Variants in STX16 observed in about 807,000 individuals in gnomAD.
The protein encoded by STX16 is syntaxin 16, also known as syntaxin-16.
In STX16, 28 loss-of-function variants were observed where a neutral mutation model predicts 42.7. The observed-to-expected ratio is 0.66, with a 90% CI of 0.49 to 0.90. STX16 has a LOEUF of 0.90. STX16 is among the 40% of genes least tolerant of loss of function. STX16 has a pLI of 0.00. For missense variants in STX16, 361 were observed against 420.9 expected, an observed-to-expected ratio of 0.86 and a Z score of 1.24; for synonymous variants, 156 against 155.2, an observed-to-expected ratio of 1.00 and a Z score of -0.04.
In STX16 at chr20:58,657,803, G is replaced by C. The variant is rs1030234964; in HGVS notation, c.133-1820G>C. Among the ~76,000 whole-genome samples, 22 of 152,266 alleles carry C rather than the reference G, an allele frequency of 1.4e-4. No homozygotes were observed. Among genetic ancestry groups the C allele is most frequent in the South Asian group, 4.1e-4 (2 of 4,824 alleles). On this transcript the variant is annotated intron_variant, in intron 1 of 8. Transcript: ENST00000371141. The surrounding 1 kb of genome is among the most constrained non-coding windows in gnomAD (Gnocchi z 4.2). ...TTTAAATAGCAGAATGGTGGGGAGG[G>C]TCTTTGAAAAGGTGACCTTAATTTA...
rs935009853 is a variant in STX16, at chr20:58,655,048, A to G, written c.132+2910A>G. Among the ~76,000 whole-genome samples the G allele has an allele frequency of 2.6e-5, 4 of 152,350 alleles. No individual in the cohort carries two copies. The South Asian group carries it at 6.2e-4, about 24-fold the overall frequency. On this transcript the variant is annotated intron_variant, in intron 1 of 8. Transcript: ENST00000371141. ...TAAATACATGTCTAACACTCAGGCA[A>G]TTTGAAAGGAAGAAATTAAACCTAA...
In STX16 at chr20:58,678,751, C is replaced by T. The variant is rs573845836; in HGVS notation, c.*2460C>T. The T allele has an allele frequency of 6.6e-6, 1 of 152,320 alleles. No individual in the cohort carries two copies. Among genetic ancestry groups the T allele is most frequent in the Non-Finnish European group, 1.5e-5 (1 of 68,070 alleles). 9.4% of individuals were successfully genotyped at this position (152,320 alleles called of 1,614,324 possible). ...TGCTGACTTCTTGGGGTCCTCAAAC[C>T]ACTGTATTTTTCTGTTGAGCCTGTA... On this transcript the variant is annotated 3_prime_UTR_variant, in exon 9 of 9. Transcript: ENST00000371141.
intron 2 of STX16, among the ~76,000 whole-genome samples, chr20:58,664,385 A>G (rs2083768149): frequency 6.6e-6 from 1 of 152,214 alleles, no homozygotes; most frequent in South Asian, 2.1e-4. Context: ...ATTATAATGA[A>G]CTATAGCTAT....
At position 58,671,444 on chromosome 20, in the gene STX16, G is replaced by A. The variant is rs1341190533; in HGVS notation, c.792+147G>A. 294 of 410,612 alleles carry A rather than the reference G, an allele frequency of 7.2e-4. 11 individuals are homozygous for A. Among genetic ancestry groups the A allele is most frequent in the African/African-American group, 1.2e-3 (53 of 43,900 alleles). The allele number at this position is 410,612 out of a possible 1,614,324, so 25.4% of individuals were successfully genotyped here. On this transcript the variant is annotated intron_variant, in intron 7 of 8. Coordinates refer to ENST00000371141, the MANE Select transcript of STX16 (RefSeq NM_001001433.3). ...GTCCTTTATGTGTGTGTGGGTGTGT[G>A]TGTGTGTGTGTGTGTGTGTGTGTGT... is the stretch of plus-strand genomic sequence containing the variant.
At chr20:58,669,869 A>G (rs1456802129) in intron 5 of STX16, among the ~76,000 whole-genome samples, 1 of 152,328 alleles carries the variant, frequency 6.6e-6, no homozygotes, top group African/African-American at 2.4e-5. Flanking sequence ...GTTTGAGAGC[A>G]CCTGAGAAAA....
chr20:58,651,983 G>GA lies in STX16; in HGVS notation c.-23dup, dbSNP rs1030691813. 3.7e-6 allele frequency: 6 copies of GA among 1,612,838 alleles called. No individual in the cohort carries two copies. Among genetic ancestry groups the GA allele is most frequent in the Admixed American group, 3.3e-5 (2 of 60,012 alleles). On this transcript the variant is annotated 5_prime_UTR_variant, in exon 1 of 9. Coordinates refer to ENST00000371141, the MANE Select transcript of STX16 (RefSeq NM_001001433.3). The stretch of plus-strand genomic sequence containing the variant: ...ATATAAGTGGGCGGGGGGCCCCTGA[G>GA]AGGGGGGTCGCAAAGGGTGAGACAT...
chr20:58,659,577 CT>C, intron 1 of STX16, 45 bp from the exon 2 acceptor site: 1 of 1,596,624 alleles, frequency 6.3e-7, no homozygotes, highest in Non-Finnish European at 8.5e-7. Context: ...TTTCTTTGTG[CT>C]TTCCCCAACT....
Position 58,652,138 on chromosome 20 carries a change from G to C in STX16, c.132G>C (p.Ala44=), listed in dbSNP as rs1391569210. 1 of 1,613,566 alleles carries C rather than the reference G, an allele frequency of 6.2e-7. No individual in the cohort carries two copies. The highest frequency in any genetic ancestry group is 8.5e-7 in the Non-Finnish European group (1 of 1,179,968). The change falls in exon 1 of 9, where the codon GCG becomes GCC. Residue 44 remains alanine, a splice_region_variant and synonymous_variant. Transcript: ENST00000371141. ...SSPLHSRSIA[A]ELDELADDRM... is the part of the protein sequence containing the mutation. ...CTCTGCATTCACGTAGCATTGCTGC[G>C]GTGAGTCTCCTGGCGGCCTCTCCGA...
chr20:58,669,650 C>T (rs1025547895), intron 5 of STX16, among the ~76,000 whole-genome samples, 197 bp downstream of exon 5: 4 of 152,092 alleles, frequency 2.6e-5, no homozygotes, highest in Admixed American at 1.3e-4. Context: ...CGTGGGGTAC[C>T]GACCAAGGCT....
intron 1 of STX16, among the ~76,000 whole-genome samples, chr20:58,653,468 G>T (rs2083518844): frequency 1.3e-5 from 2 of 152,224 alleles, no homozygotes; most frequent in South Asian, 2.1e-4. Context: ...TAGAACTAGG[G>T]ACAGAGTGTG....
intron 4 of STX16, 124 bp from the exon 5 acceptor site, chr20:58,669,167 C>T: frequency 2.0e-6 from 2 of 1,009,820 alleles, no homozygotes; most frequent in South Asian, 3.2e-5. Flanking sequence ...TATCTGTTCA[C>T]CTTTCTCTAA....
chr20:58,671,878 G>C (rs1308072727), intron 7 of STX16, among the ~76,000 whole-genome samples: 1 of 152,028 alleles, frequency 6.6e-6, no homozygotes, highest in African/African-American at 2.4e-5. Context: ...ACACTCAAAG[G>C]ATATATATAC....
In STX16 at chr20:58,651,820, T is replaced by G; in HGVS notation, c.-187T>G. The G allele has an allele frequency of 1.7e-6, 1 of 591,290 alleles. No homozygotes were observed. The highest frequency in any genetic ancestry group is 2.9e-5 in the East Asian group (1 of 34,572). The allele number at this position is 591,290 out of a possible 1,614,324, so 36.6% of individuals were successfully genotyped here. A position where few individuals can be genotyped will look rare whatever the true frequency, so the allele number is the denominator to read the frequency against. ...TCAGACAATTGGAAAGCCTAGGTAG[T>G]TATTTGGGGAGGGGTCTCTACGCCT... On this transcript the variant is annotated 5_prime_UTR_variant, in exon 1 of 9. Coordinates refer to ENST00000371141, the MANE Select transcript of STX16 (RefSeq NM_001001433.3).
At chr20:58,662,615 A>G (rs1318796153) in intron 2 of STX16, among the ~76,000 whole-genome samples, 2 of 152,156 alleles carry the variant, frequency 1.3e-5, no homozygotes, top group Admixed American at 1.3e-4. Context: ...AGTTCAAGCG[A>G]TTCTCCTGCC....
rs758145855 is a variant in STX16, at chr20:58,671,429, TGTGTGTGG to T, written c.792+140_792+147del. The stretch of plus-strand genomic sequence containing the variant: ...CATGTGTGTGCACCTGTCCTTTATG[TGTGTGTGG>T]GTGTGTGTGTGTGTGTGTGTGTGTG... On this transcript the variant is annotated intron_variant, in intron 7 of 8. Transcript: ENST00000371141. 26,838 of 394,826 alleles carry T rather than the reference TGTGTGTGG, an allele frequency of 0.068. 1,987 individuals carry two copies. Among genetic ancestry groups the T allele is most frequent in the African/African-American group, 0.22 (6,427 of 29,680 alleles). The allele number at this position is 394,826 out of a possible 1,614,324, so 24.5% of individuals were successfully genotyped here.
intron 5 of STX16, among the ~76,000 whole-genome samples, 198 bp downstream of exon 5, chr20:58,669,651 G>A (rs762700934): frequency 2.6e-5 from 4 of 152,144 alleles, no homozygotes; most frequent in African/African-American, 7.2e-5. Flanking sequence ...GTGGGGTACC[G>A]ACCAAGGCTG....
intron 1 of STX16, among the ~76,000 whole-genome samples, chr20:58,656,079 G>C (rs975890826): frequency 1.3e-5 from 2 of 152,194 alleles, no homozygotes; most frequent in East Asian, 3.8e-4. Context: ...CCTAAGTCCT[G>C]TTCTGCTGCA....
At chr20:58,663,874 C>T (rs2083757696) in intron 2 of STX16, among the ~76,000 whole-genome samples, 1 of 152,138 alleles carries the variant, frequency 6.6e-6, no homozygotes, top group Non-Finnish European at 1.5e-5. Flanking sequence ...GACGGGGTTT[C>T]ACCGTGCTGG....
At chr20:58,673,335 C>T (rs1234849739) in intron 7 of STX16, among the ~76,000 whole-genome samples, 1 of 152,028 alleles carries the variant, frequency 6.6e-6, no homozygotes, top group Non-Finnish European at 1.5e-5. Context: ...TTCTTAGGGC[C>T]CCAGGAAGTC....
Sources: gnomAD v4.1 joint callset for allele counts (sites outside exome capture counted in the v4.1 genomes callset) on GRCh38, gnomAD v4.1.1 for gene constraint, Gnocchi (gnomAD v3.1) non-coding constraint, MANE v1.5 for transcripts, NCBI Gene and HGNC (gene_info 2026-07-23, HGNC 2026-07-21) for gene names.